Variants in ARMC8 observed in about 807,000 individuals in gnomAD.
ARMC8 encodes armadillo repeat-containing protein 8.
In ARMC8, 20 loss-of-function variants were observed where a neutral mutation model predicts 99.3. That is an observed-to-expected ratio of 0.20 (90% confidence interval 0.14 to 0.29). The LOEUF (loss-of-function observed/expected upper bound fraction) is 0.29. Among genes scored for constraint, ARMC8 ranks in the 10% least tolerant of loss-of-function variants. ARMC8 has a pLI of 1.00. For missense variants in ARMC8, 569 were observed against 809.5 expected (o/e 0.70, Z 3.60); for synonymous variants, 263 against 278.3 (o/e 0.95, Z 0.55).
intron 18 of ARMC8, among the ~76,000 whole-genome samples, chr3:138,282,545 T>G: frequency 6.9e-6 from 1 of 145,340 alleles, no homozygotes; most frequent in East Asian, 2.0e-4. Context: ...CTTGGGAGAC[T>G]AAGGCAGGGA....
intron 1 of ARMC8, among the ~76,000 whole-genome samples, chr3:138,198,688 A>AT (rs1342143061): frequency 6.6e-6 from 1 of 151,592 alleles, no homozygotes; most frequent in Non-Finnish European, 1.5e-5. Context: ...AATTTTTTGT[A>AT]TTTTTAGTAG....
At chr3:138,225,574 A>G (rs533975286) in intron 5 of ARMC8, among the ~76,000 whole-genome samples, 1 of 152,266 alleles carries the variant, frequency 6.6e-6, no homozygotes, top group African/African-American at 2.4e-5. Context: ...CAGTTTGTGT[A>G]TGTGTGTGTA....
At chr3:138,222,491 A>G (rs1428670112) in intron 3 of ARMC8, among the ~76,000 whole-genome samples, 1 of 152,214 alleles carries the variant, frequency 6.6e-6, no homozygotes, top group Non-Finnish European at 1.5e-5. Context: ...TCTTCTTTTG[A>G]TGACCTAATA....
intron 21 of ARMC8, among the ~76,000 whole-genome samples, chr3:138,294,789 C>A (rs1358582506): frequency 2.0e-5 from 3 of 152,126 alleles, no homozygotes; most frequent in African/African-American, 7.2e-5. Flanking sequence ...GTAAAGGAGG[C>A]CTCCTTGGGC....
At chr3:138,232,563 C>T (rs537882443) in intron 6 of ARMC8, among the ~76,000 whole-genome samples, 9 of 152,136 alleles carry the variant, frequency 5.9e-5, no homozygotes, top group East Asian at 5.8e-4. Flanking sequence ...TAGTAAAAGA[C>T]GGAAAACAAT....
At chr3:138,272,044 T>G (rs1472827690) in intron 16 of ARMC8, among the ~76,000 whole-genome samples, 1 of 152,200 alleles carries the variant, frequency 6.6e-6, no homozygotes, top group Non-Finnish European at 1.5e-5. Flanking sequence ...CAGACATGTA[T>G]AGCTTGGGAT....
intron 19 of ARMC8, among the ~76,000 whole-genome samples, chr3:138,287,236 A>C (rs1457083373): frequency 6.6e-6 from 1 of 152,212 alleles, no homozygotes; most frequent in Non-Finnish European, 1.5e-5. Context: ...ACTGTGGCCT[A>C]CAAGTTGGCA....
intron 15 of ARMC8, among the ~76,000 whole-genome samples, chr3:138,267,657 G>A (rs2048396275): frequency 6.6e-6 from 1 of 152,144 alleles, no homozygotes; most frequent in Non-Finnish European, 1.5e-5. Flanking sequence ...ATCTTTTGAT[G>A]TTTAATGTTA....
chr3:138,278,880 G>T (rs190245804), intron 18 of ARMC8, among the ~76,000 whole-genome samples: 1 of 151,956 alleles, frequency 6.6e-6, no homozygotes, highest in South Asian at 2.1e-4. Flanking sequence ...TAAAATTTTC[G>T]TATGTCAGTC....
intron 1 of ARMC8, among the ~76,000 whole-genome samples, chr3:138,195,485 A>G (rs951991242): frequency 2.6e-5 from 4 of 152,214 alleles, no homozygotes; most frequent in African/African-American, 9.6e-5. Context: ...GCAAAGAATC[A>G]GAAACACATT....
chr3:138,285,853 T>C (rs943105791), intron 19 of ARMC8, among the ~76,000 whole-genome samples: 2 of 152,172 alleles, frequency 1.3e-5, no homozygotes, highest in African/African-American at 4.8e-5. Context: ...CCAATACTAA[T>C]CCACACTGTA....
At chr3:138,251,141 T>C (rs980233936) in intron 12 of ARMC8, among the ~76,000 whole-genome samples, 1 of 151,614 alleles carries the variant, frequency 6.6e-6, no homozygotes, top group Non-Finnish European at 1.5e-5. Flanking sequence ...CACTACAGCC[T>C]AGGTGACAGA....
At chr3:138,263,664 C>A in intron 12 of ARMC8, 75 bp from the exon 13 acceptor site, 1 of 1,232,686 alleles carries the variant, frequency 8.1e-7, no homozygotes, top group Non-Finnish European at 1.2e-6. Flanking sequence ...TGGATGTTAA[C>A]ATACTTGCAT....
chr3:138,225,151 A>G (rs2045619128), intron 5 of ARMC8, among the ~76,000 whole-genome samples: 2 of 134,624 alleles, frequency 1.5e-5, no homozygotes, highest in Non-Finnish European at 3.0e-5. Context: ...TCTCTCACCG[A>G]GGCTGGAGTG....
chr3:138,233,608 G>A (rs1291881475), intron 6 of ARMC8, among the ~76,000 whole-genome samples: 1 of 152,128 alleles, frequency 6.6e-6, no homozygotes, highest in Non-Finnish European at 1.5e-5. Context: ...TAAAATATTT[G>A]GGGATTGTTA....
chr3:138,285,450 G>T (rs2050317865), intron 19 of ARMC8, among the ~76,000 whole-genome samples: 1 of 152,040 alleles, frequency 6.6e-6, no homozygotes, highest in Non-Finnish European at 1.5e-5. Context: ...CACTACACTG[G>T]CCACTTGAAG....
chr3:138,188,257 GT>G, intron 1 of ARMC8: 1 of 651,466 alleles, frequency 1.5e-6, no homozygotes. Flanking sequence ...TATGTTCCCT[GT>G]GCCTGGTATT....
At chr3:138,198,327 A>G (rs1038463787) in intron 1 of ARMC8, among the ~76,000 whole-genome samples, 4 of 152,088 alleles carry the variant, frequency 2.6e-5, no homozygotes, top group African/African-American at 4.8e-5. Flanking sequence ...TTTTCTTGGA[A>G]GAAACCTGCA....
intron 12 of ARMC8, among the ~76,000 whole-genome samples, chr3:138,249,524 A>G (rs978998048): frequency 9.9e-5 from 15 of 152,172 alleles, no homozygotes; most frequent in East Asian, 3.9e-4. Context: ...TAAAGTTTGT[A>G]TCATTCACAC....
Sources: allele counts gnomAD v4.1 joint callset (sites outside exome capture counted in the v4.1 genomes callset), GRCh38; gene constraint gnomAD v4.1.1; transcripts MANE v1.5; gene names NCBI Gene and HGNC (gene_info 2026-07-23, HGNC 2026-07-21).